PLA2G4A: variants seen among roughly 807,000 people sequenced by gnomAD.
PLA2G4A encodes phospholipase A2 group IVA, also known as cytosolic phospholipase A2.
A neutral mutation model predicts 81.9 loss-of-function variants in PLA2G4A; 40 were observed. The observed-to-expected ratio is 0.49, with a 90% CI of 0.38 to 0.64. The LOEUF is 0.64. Ranked by LOEUF, PLA2G4A falls within the 30% of genes least tolerant of loss-of-function variation. The pLI is 0.00. For synonymous variants in PLA2G4A, 302 were observed against 296.9 expected (o/e 1.02, Z -0.18); for missense variants, 715 against 905.1 (o/e 0.79, Z 2.69).
chr1:186,949,260 AAAGAAAGAAAG>A lies in PLA2G4A; in HGVS notation c.1265-1379_1265-1369del, dbSNP rs1206229998. ...CATATGTGACAGAAAGAAAGAAAGG[AAAGAAAGAAAG>A]AAGAAAGAAAGAAGAAAAAGAAGGA... On this transcript the variant is annotated intron_variant, in intron 12 of 17. Transcript: ENST00000367466. 9.9e-4 allele frequency among the ~76,000 whole-genome samples: 150 copies of A among 151,868 alleles called. 2 individuals are homozygous for A. Among genetic ancestry groups the A allele is most frequent in the East Asian group, 8.7e-3 (45 of 5,176 alleles).
intron 7 of PLA2G4A, among the ~76,000 whole-genome samples, chr1:186,929,980 C>A (rs1485938242): frequency 6.6e-6 from 1 of 151,968 alleles, no homozygotes; most frequent in Non-Finnish European, 1.5e-5. Flanking sequence ...TCCCTTGAGC[C>A]CAGGAGTTTA....
At chr1:186,870,363 A>G (rs904636042) in intron 2 of PLA2G4A, 72 bp from the exon 3 acceptor site, 1 of 882,884 alleles carries the variant, frequency 1.1e-6, no homozygotes, top group African/African-American at 1.7e-5. Context: ...GAATATTTTA[A>G]ATTAATCTCA....
At chr1:186,938,776 G>C (rs2102217203) in intron 8 of PLA2G4A, among the ~76,000 whole-genome samples, 1 of 152,200 alleles carries the variant, frequency 6.6e-6, no homozygotes, top group East Asian at 1.9e-4. Context: ...CTTGGACTGT[G>C]GATGAAAGTT....
rs928798199 is a variant in PLA2G4A, at chr1:186,988,481, G to C, written c.2223G>C (p.Lys741Asn). The C allele has an allele frequency of 6.2e-7, 1 of 1,612,328 alleles. No individual in the cohort carries two copies. The highest frequency in any genetic ancestry group is 8.5e-7 in the Non-Finnish European group (1 of 1,178,800). ...TTGAGGCAAGAAGATTTTTCAACAA[G>C]GAGTTTCTAAGTAAACCCAAAGCAT... ...SNVEARRFFN[K>N]EFLSKPKA The change falls in exon 18 of 18, where the codon AAG becomes AAC. Residue 741 changes from lysine (K) to asparagine (N), a missense_variant. Transcript: ENST00000367466.
chr1:186,947,849 A>G (rs1235033620), intron 12 of PLA2G4A, among the ~76,000 whole-genome samples: 1 of 152,178 alleles, frequency 6.6e-6, no homozygotes, highest in Non-Finnish European at 1.5e-5. Context: ...CTGAGAACAA[A>G]GAAGTCGACA....
chr1:186,958,496 A>G (rs1307081410), intron 14 of PLA2G4A, among the ~76,000 whole-genome samples: 1 of 152,210 alleles, frequency 6.6e-6, no homozygotes, highest in Non-Finnish European at 1.5e-5. Flanking sequence ...ATGTCGATAT[A>G]TAGAGAATCT....
chr1:186,856,074 A>T (rs1652540048), intron 2 of PLA2G4A, among the ~76,000 whole-genome samples: 1 of 152,042 alleles, frequency 6.6e-6, no homozygotes, highest in Non-Finnish European at 1.5e-5. Context: ...AAACACACAC[A>T]CACACACTCA....
chr1:186,856,270 G>A (rs1265518622), intron 2 of PLA2G4A, among the ~76,000 whole-genome samples: 7 of 141,748 alleles, frequency 4.9e-5, no homozygotes, highest in African/African-American at 1.9e-4. Flanking sequence ...ATGTATTATA[G>A]TTTTCTTTAA....
At chr1:186,851,686 C>A (rs912448359) in intron 1 of PLA2G4A, among the ~76,000 whole-genome samples, 1 of 152,008 alleles carries the variant, frequency 6.6e-6, no homozygotes, top group East Asian at 1.9e-4. Flanking sequence ...GTATATATTT[C>A]TTGTATTATA....
At chr1:186,877,507 C>G (rs1313729959) in intron 3 of PLA2G4A, among the ~76,000 whole-genome samples, 1 of 151,756 alleles carries the variant, frequency 6.6e-6, no homozygotes, top group Non-Finnish European at 1.5e-5. Context: ...CTGTGTTGAG[C>G]AAATTATTGG....
At chr1:186,834,587 G>T (rs1222110055) in intron 1 of PLA2G4A, among the ~76,000 whole-genome samples, 1 of 151,998 alleles carries the variant, frequency 6.6e-6, no homozygotes, top group African/African-American at 2.4e-5. Context: ...CAATCGTTCT[G>T]CCCTTATAAC....
At chr1:186,838,459 G>A (rs1411733129) in intron 1 of PLA2G4A, among the ~76,000 whole-genome samples, 1 of 152,104 alleles carries the variant, frequency 6.6e-6, no homozygotes, top group Non-Finnish European at 1.5e-5. Context: ...AAGGTAATTA[G>A]TGACTACTAG....
Position 186,988,586 on chromosome 1 carries a change from G to A in PLA2G4A, c.*78G>A, listed in dbSNP as rs1571475718. On this transcript the variant is annotated 3_prime_UTR_variant, in exon 18 of 18. Transcript: ENST00000367466. Reference sequence around the variant, plus strand: ...CATGACAACTGGATTTAAAAGTACAGTACAGATAGTCGTACTGATCATGAG... The same window carrying A: ...CATGACAACTGGATTTAAAAGTACAATACAGATAGTCGTACTGATCATGAG... The A allele has an allele frequency of 7.9e-7, 1 of 1,266,760 alleles. No homozygotes were observed. The highest frequency in any genetic ancestry group is 2.4e-5 in the East Asian group (1 of 41,528). The allele number at this position is 1,266,760 out of a possible 1,614,324, so 78.5% of individuals were successfully genotyped here. A position where few individuals can be genotyped will look rare whatever the true frequency, so the allele number is the denominator to read the frequency against.
chr1:186,903,769 T>C (rs1654632113), intron 5 of PLA2G4A, among the ~76,000 whole-genome samples: 1 of 152,188 alleles, frequency 6.6e-6, no homozygotes, highest in South Asian at 2.1e-4. Context: ...TATGGTGAGT[T>C]GTATAATTAT....
intron 17 of PLA2G4A, among the ~76,000 whole-genome samples, chr1:186,982,269 G>A (rs1325538812): frequency 6.6e-6 from 1 of 152,232 alleles, no homozygotes; most frequent in East Asian, 1.9e-4. Context: ...GGCACAGCAT[G>A]TACAGACAAG....
At chr1:186,857,844 C>T (rs531860679) in intron 2 of PLA2G4A, among the ~76,000 whole-genome samples, 1 of 152,052 alleles carries the variant, frequency 6.6e-6, no homozygotes, top group African/African-American at 2.4e-5. Context: ...TGAGTGAGAA[C>T]ACTTGGTGTT....
chr1:186,918,386 C>CAT (rs1046472086), intron 7 of PLA2G4A, among the ~76,000 whole-genome samples: 31 of 152,274 alleles, frequency 2.0e-4, no homozygotes, highest in African/African-American at 7.2e-4. Flanking sequence ...TATAATGCTC[C>CAT]ATGCACTTGG....
intron 1 of PLA2G4A, among the ~76,000 whole-genome samples, chr1:186,835,723 C>T (rs1347692106): frequency 2.0e-5 from 3 of 152,178 alleles, no homozygotes; most frequent in African/African-American, 7.2e-5. Flanking sequence ...AATGGTAATA[C>T]ATGTTCAGAT....
At chr1:186,960,587 C>T (rs1157285827) in intron 14 of PLA2G4A, among the ~76,000 whole-genome samples, 2 of 152,124 alleles carry the variant, frequency 1.3e-5, no homozygotes, top group African/African-American at 4.8e-5. Flanking sequence ...ATTCGATCTC[C>T]TTCTTCAAAT....
Sources: allele counts gnomAD v4.1 joint callset (sites outside exome capture counted in the v4.1 genomes callset), GRCh38; gene constraint gnomAD v4.1.1; transcripts MANE v1.5; gene names NCBI Gene and HGNC (gene_info 2026-07-23, HGNC 2026-07-21).